The following CDH12 variants were observed in gnomAD, a reference collection of about 807,000 sequenced individuals.
CDH12 encodes cadherin 12.
A neutral mutation model predicts 74.1 loss-of-function variants in CDH12; 41 were observed. The observed-to-expected ratio is 0.55, with a 90% CI of 0.43 to 0.72. CDH12 has a LOEUF of 0.72. CDH12 is among the 30% of genes least tolerant of loss of function. The pLI is 0.00. For missense variants in CDH12, 945 were observed against 977.2 expected (o/e 0.97, Z 0.44); for synonymous variants, 399 against 355.0 (o/e 1.12, Z -1.39).
intron 6 of CDH12, among the ~76,000 whole-genome samples, chr5:21,893,268 G>A (rs7712845): frequency 0.17 from 26,213 of 151,930 alleles, 2,499 homozygotes; most frequent in African/African-American, 0.24. Flanking sequence ...TGTGGTTGAG[G>A]GAAAAAGAGG....
chr5:22,753,394 G>A (rs888659383), intron 1 of CDH12, among the ~76,000 whole-genome samples: 1 of 149,788 alleles, frequency 6.7e-6, no homozygotes, highest in African/African-American at 2.5e-5. Context: ...CTGAGATCGC[G>A]CCATTGCACT....
At chr5:21,778,135 G>A (rs754677011) in intron 11 of CDH12, among the ~76,000 whole-genome samples, 2 of 152,064 alleles carry the variant, frequency 1.3e-5, no homozygotes, top group Non-Finnish European at 1.5e-5. Context: ...TGGTGAATAT[G>A]TTCCCTGTGA....
At chr5:21,977,799 T>A (rs1561343109) in intron 5 of CDH12, among the ~76,000 whole-genome samples, 1 of 152,078 alleles carries the variant, frequency 6.6e-6, no homozygotes, top group Non-Finnish European at 1.5e-5. Flanking sequence ...TATGGGAAAA[T>A]ACGTTAAAAG....
intron 3 of CDH12, among the ~76,000 whole-genome samples, chr5:22,270,588 C>T (rs1257497904): frequency 9.1e-6 from 1 of 110,184 alleles, no homozygotes; most frequent in South Asian, 3.9e-4. Context: ...GGGTGAGACA[C>T]CGTCTCAAAA....
chr5:22,269,921 G>A (rs906496228), intron 3 of CDH12, among the ~76,000 whole-genome samples: 2 of 152,046 alleles, frequency 1.3e-5, no homozygotes, highest in Non-Finnish European at 2.9e-5. Context: ...TAGAACACAG[G>A]TATTTCCTGG....
At chr5:21,783,555 T>C in intron 10 of CDH12, 61 bp from the exon 11 acceptor site, 4 of 1,266,406 alleles carry the variant, frequency 3.2e-6, no homozygotes, top group Non-Finnish European at 4.5e-6. Flanking sequence ...TAATGGCACT[T>C]AGGCTAACTT....
chr5:22,209,675 C>T (rs1430348280), intron 4 of CDH12, among the ~76,000 whole-genome samples: 1 of 150,726 alleles, frequency 6.6e-6, no homozygotes, highest in Non-Finnish European at 1.5e-5. Flanking sequence ...TAACCTCTTT[C>T]AGAAACTAAA....
At chr5:21,990,666 A>G (rs188391173) in intron 5 of CDH12, among the ~76,000 whole-genome samples, 2 of 152,112 alleles carry the variant, frequency 1.3e-5, no homozygotes, top group African/African-American at 4.8e-5. Context: ...TCAAGCTTCT[A>G]TATTTTGCCA....
chr5:22,350,422 G>C (rs1740311283), intron 3 of CDH12, among the ~76,000 whole-genome samples: 1 of 152,080 alleles, frequency 6.6e-6, no homozygotes, highest in South Asian at 2.1e-4. Context: ...AAATGTGGTA[G>C]GAAGTAAATC....
At chr5:22,636,638 A>G (rs1738855626) in intron 1 of CDH12, among the ~76,000 whole-genome samples, 3 of 152,208 alleles carry the variant, frequency 2.0e-5, no homozygotes, top group African/African-American at 7.2e-5. Context: ...AAGAAGATAA[A>G]TAATTGTGAA....
chr5:21,956,353 A>C lies in CDH12; in HGVS notation c.526+18738T>G, dbSNP rs1332269531. ...ATGTATTAAAATTAATAAACTGGAA[A>C]TTTGACATTTAAAAAAAGCATTGTC... On this transcript the variant is annotated intron_variant, in intron 6 of 14. Transcript: ENST00000382254. Among the ~76,000 whole-genome samples the C allele has an allele frequency of 2.6e-5, 4 of 152,026 alleles. No individual in the cohort carries two copies. In the East Asian group the frequency reaches 7.7e-4, roughly 29 times the overall value.
intron 2 of CDH12, among the ~76,000 whole-genome samples, chr5:22,468,199 A>G (rs1220000772): frequency 6.6e-6 from 1 of 152,196 alleles, no homozygotes; most frequent in Non-Finnish European, 1.5e-5. Context: ...AGTAATTGGT[A>G]TCTAAATGGC....
intron 3 of CDH12, among the ~76,000 whole-genome samples, chr5:22,218,148 A>C (rs559143358): frequency 7.9e-5 from 12 of 151,940 alleles, no homozygotes; most frequent in Non-Finnish European, 1.2e-4. Flanking sequence ...GTTCATGGGA[A>C]TATAAAAGGA....
intron 1 of CDH12, among the ~76,000 whole-genome samples, chr5:22,681,791 G>A (rs1426139623): frequency 1.3e-5 from 2 of 151,878 alleles, no homozygotes; most frequent in Non-Finnish European, 2.9e-5. Flanking sequence ...TTTCACATTG[G>A]ATTTATTAGA....
chr5:22,466,776 C>CTTTTTTTTTTTTTT (rs70959733), intron 2 of CDH12, among the ~76,000 whole-genome samples: 3 of 50,968 alleles, frequency 5.9e-5, no homozygotes, highest in Non-Finnish European at 9.9e-5. Flanking sequence ...CCTCAGGAAT[C>CTTTTTTTTTTTTTT]TTTTTTTTTT....
At chr5:21,931,295 C>T (rs1342729771) in intron 6 of CDH12, among the ~76,000 whole-genome samples, 1 of 152,072 alleles carries the variant, frequency 6.6e-6, no homozygotes. Context: ...AGAACATTTC[C>T]TCACACTGGT....
chr5:22,080,568 C>T (rs1742656606), intron 4 of CDH12, among the ~76,000 whole-genome samples: 1 of 151,962 alleles, frequency 6.6e-6, no homozygotes, highest in Non-Finnish European at 1.5e-5. Flanking sequence ...CTGCCTTGTC[C>T]AATATGGAAA....
chr5:21,964,513 CT>C (rs1320000160), intron 6 of CDH12, among the ~76,000 whole-genome samples: 7 of 151,930 alleles, frequency 4.6e-5, no homozygotes, highest in African/African-American at 1.7e-4. Context: ...ATAAAATAAT[CT>C]TTGGAAGTCT....
At chr5:22,623,049 A>T in intron 1 of CDH12, among the ~76,000 whole-genome samples, 1 of 152,234 alleles carries the variant, frequency 6.6e-6, no homozygotes, top group Non-Finnish European at 1.5e-5. Flanking sequence ...CAGCATATAA[A>T]CAGAACCAAA....
Sources: gnomAD v4.1 joint callset for allele counts (sites outside exome capture counted in the v4.1 genomes callset) on GRCh38, gnomAD v4.1.1 for gene constraint, MANE v1.5 for transcripts, NCBI Gene and HGNC (gene_info 2026-07-23, HGNC 2026-07-21) for gene names.